Variants in CSMD1 observed in about 807,000 individuals in gnomAD.
The protein encoded by CSMD1 is CUB and Sushi multiple domains 1.
In CSMD1, 213 loss-of-function variants were observed where a neutral mutation model predicts 417.5. The observed-to-expected ratio is 0.51, with a 90% CI of 0.46 to 0.57. The LOEUF (loss-of-function observed/expected upper bound fraction) is 0.57. Ranked by LOEUF, CSMD1 falls within the 20% of genes least tolerant of loss-of-function variation. CSMD1 has a pLI of 0.00. For missense variants in CSMD1, 6,923 were observed against 4,529.7 expected (o/e 1.53, Z -15.17); for synonymous variants, 2,862 against 1,736.8 (o/e 1.65, Z -16.11).
intron 1 of CSMD1, among the ~76,000 whole-genome samples, chr8:4,952,338 C>A (rs1476766320): frequency 2.0e-5 from 1 of 49,362 alleles, no homozygotes; most frequent in African/African-American, 6.4e-5. Context: ...AAAACAAACC[C>A]AATAAGTGAA....
intron 30 of CSMD1, among the ~76,000 whole-genome samples, chr8:3,210,040 C>T (rs1213286545): frequency 1.3e-5 from 2 of 152,130 alleles, no homozygotes; most frequent in African/African-American, 4.8e-5. Context: ...AAAAACATTA[C>T]CCCACGCATC....
chr8:4,407,463 A>G (rs1264917742), intron 3 of CSMD1, among the ~76,000 whole-genome samples: 1 of 152,226 alleles, frequency 6.6e-6, no homozygotes, highest in Non-Finnish European at 1.5e-5. Context: ...AGTATGTTGT[A>G]AAACGTAATT....
intron 5 of CSMD1, among the ~76,000 whole-genome samples, chr8:3,928,758 G>C (rs1809928363): frequency 6.7e-6 from 1 of 149,468 alleles, no homozygotes; most frequent in Non-Finnish European, 1.5e-5. Flanking sequence ...TGAAATCAAA[G>C]GTGGTCCAGA....
chr8:3,732,036 T>G (rs1457249322), intron 6 of CSMD1, among the ~76,000 whole-genome samples: 2 of 124,874 alleles, frequency 1.6e-5, no homozygotes, highest in African/African-American at 5.2e-5. Context: ...TCTCCACATT[T>G]TTTAGACAAA....
At chr8:4,682,699 T>C (rs1370803020) in intron 1 of CSMD1, among the ~76,000 whole-genome samples, 1 of 151,772 alleles carries the variant, frequency 6.6e-6, no homozygotes, top group Non-Finnish European at 1.5e-5. Flanking sequence ...CTTGGAAAAA[T>C]GATACTCTAA....
chr8:4,754,903 C>T (rs1165793067), intron 1 of CSMD1, among the ~76,000 whole-genome samples: 1 of 151,692 alleles, frequency 6.6e-6, no homozygotes, highest in African/African-American at 2.4e-5. Flanking sequence ...CTTTGTGAAT[C>T]CAAGGTGGGT....
intron 3 of CSMD1, among the ~76,000 whole-genome samples, chr8:4,040,807 T>G (rs2912272): frequency 0.94 from 143,538 of 152,236 alleles, 67,761 homozygotes; most frequent in East Asian, 0.99. Context: ...AAAAGATTTT[T>G]AATAGCACGT....
At chr8:4,414,515 C>G (rs1456132008) in intron 3 of CSMD1, among the ~76,000 whole-genome samples, 1 of 152,142 alleles carries the variant, frequency 6.6e-6, no homozygotes, top group Non-Finnish European at 1.5e-5. Flanking sequence ...TTAAGAGGAT[C>G]TGCTTATGCA....
At chr8:4,987,352 A>G (rs977391383) in intron 1 of CSMD1, among the ~76,000 whole-genome samples, 44 of 152,196 alleles carry the variant, frequency 2.9e-4, no homozygotes, top group African/African-American at 1.0e-3. Context: ...GATAACGGTG[A>G]CAGGCGTGTT....
chr8:4,553,714 G>T (rs756565072), intron 2 of CSMD1, among the ~76,000 whole-genome samples: 3 of 152,146 alleles, frequency 2.0e-5, no homozygotes, highest in Non-Finnish European at 4.4e-5. Flanking sequence ...GACGTTAATT[G>T]TGCCTCATGG....
At chr8:3,565,386 G>A (rs989993848) in intron 10 of CSMD1, among the ~76,000 whole-genome samples, 1 of 152,090 alleles carries the variant, frequency 6.6e-6, no homozygotes, top group Non-Finnish European at 1.5e-5. Flanking sequence ...GAATAATGGG[G>A]AGGCTCCCTT....
chr8:4,961,616 G>C (rs955046076), intron 1 of CSMD1, among the ~76,000 whole-genome samples: 2 of 152,110 alleles, frequency 1.3e-5, no homozygotes, highest in East Asian at 1.9e-4. Flanking sequence ...CCGTTTTGTC[G>C]CTCAAACTTT....
intron 1 of CSMD1, among the ~76,000 whole-genome samples, chr8:4,814,275 C>T (rs1233792383): frequency 6.6e-6 from 1 of 151,978 alleles, no homozygotes; most frequent in Non-Finnish European, 1.5e-5. Context: ...GATGGAGATT[C>T]GCTCTTAATG....
At chr8:3,296,706 T>TG (rs1318967359) in intron 25 of CSMD1, among the ~76,000 whole-genome samples, 5 of 152,102 alleles carry the variant, frequency 3.3e-5, no homozygotes, top group Admixed American at 2.0e-4. Context: ...AAAACAGGCT[T>TG]GGAAGAGGTG....
intron 2 of CSMD1, among the ~76,000 whole-genome samples, chr8:4,544,746 G>C (rs143194385): frequency 1.3e-5 from 2 of 152,154 alleles, no homozygotes; most frequent in Non-Finnish European, 2.9e-5. Flanking sequence ...TACAGTGTCA[G>C]AGCAAATCCA....
chr8:3,850,463 G>A (rs1029239812), intron 5 of CSMD1, among the ~76,000 whole-genome samples: 1 of 152,190 alleles, frequency 6.6e-6, no homozygotes, highest in Non-Finnish European at 1.5e-5. Flanking sequence ...GGAAGGCTGA[G>A]GCAGGCAGAT....
chr8:3,228,573 G>T lies in CSMD1; in HGVS notation c.4345+1467C>A, dbSNP rs530339464. Among the ~76,000 whole-genome samples the T allele has an allele frequency of 1.5e-4, 23 of 152,238 alleles. 2 individuals carry two copies. The South Asian group carries it at 4.8e-3, about 32-fold the overall frequency. ...TTTATTTACCTTTTGGTGCGTATTG[G>T]ACTACCTAGTGGCTGGTCAAAATAA... On this transcript the variant is annotated intron_variant, in intron 27 of 69. Coordinates refer to ENST00000635120, the MANE Select transcript of CSMD1 (RefSeq NM_033225.6).
chr8:3,953,985 T>G (rs73176298), intron 5 of CSMD1, among the ~76,000 whole-genome samples: 4,595 of 152,288 alleles, frequency 0.03, 82 homozygotes, highest in Non-Finnish European at 0.043. Context: ...CCTTCCTTCC[T>G]CTGGTGGTGA....
Position 3,065,359 on chromosome 8 carries a change from T to A in CSMD1, c.7475-12712A>T, listed in dbSNP as rs1003085342. Among the ~76,000 whole-genome samples, 4 of 151,738 alleles carry A rather than the reference T, an allele frequency of 2.6e-5. No homozygotes were observed. In the East Asian group the frequency reaches 5.8e-4, roughly 22 times the overall value. ...ATAGAAAGATAGATACATAGATAAG[T>A]GGATAGATAAATAGGTCAAAAGAAA... On this transcript the variant is annotated intron_variant, in intron 49 of 69. Transcript: ENST00000635120.
Sources: gnomAD v4.1 joint callset for allele counts (sites outside exome capture counted in the v4.1 genomes callset) on GRCh38, gnomAD v4.1.1 for gene constraint, MANE v1.5 for transcripts, NCBI Gene and HGNC (gene_info 2026-07-23, HGNC 2026-07-21) for gene names.